STOML1: variants seen among roughly 807,000 people sequenced by gnomAD.
STOML1 encodes the protein stomatin-like protein 1.
A neutral mutation model predicts 35.7 loss-of-function variants in STOML1; 27 were observed. The observed-to-expected ratio is 0.76, with a 90% CI of 0.56 to 1.04. The LOEUF (loss-of-function observed/expected upper bound fraction) is 1.04. STOML1 is among the 50% of genes least tolerant of loss of function. The pLI, the probability that STOML1 is intolerant of heterozygous loss-of-function variation, is 0.00. For missense variants in STOML1, 451 were observed against 527.1 expected, an observed-to-expected ratio of 0.86 and a Z score of 1.41; for synonymous variants, 219 against 227.9, an observed-to-expected ratio of 0.96 and a Z score of 0.35.
Position 73,988,541 on chromosome 15 carries a change from G to A in STOML1, c.594+58C>T. On this transcript the variant is annotated intron_variant, in intron 4 of 6. Transcript: ENST00000541638. This position sits in a 1 kb window ranked among gnomAD's most constrained non-coding sequence, Gnocchi z 4.8. Reference sequence around the variant, plus strand: ...CTGACTCTTTTCTCAAAGTGACCTGGCAGGTGGAGCCAGGCCGGTGCCACC... The same window carrying A: ...CTGACTCTTTTCTCAAAGTGACCTGACAGGTGGAGCCAGGCCGGTGCCACC... 1 of 1,597,712 alleles carries A rather than the reference G, an allele frequency of 6.3e-7. No homozygotes were observed. Among genetic ancestry groups the A allele is most frequent in the Non-Finnish European group, 8.5e-7 (1 of 1,170,084 alleles).
Position 73,988,819 on chromosome 15 carries a change from T to A in STOML1, c.391-17A>T, listed in dbSNP as rs1304117087. 1 of 1,604,630 alleles carries A rather than the reference T, an allele frequency of 6.2e-7. No homozygotes were observed. Among genetic ancestry groups the A allele is most frequent in the African/African-American group, 1.3e-5 (1 of 74,716 alleles). ...AGAGGCCAGCTGTTGGGGGAGGCCATGAGAGAGAGACACTCAAGGGGCTGG... is the reference window on the plus strand; with the variant it reads ...AGAGGCCAGCTGTTGGGGGAGGCCAAGAGAGAGAGACACTCAAGGGGCTGG... On this transcript the variant is annotated splice_polypyrimidine_tract_variant and intron_variant, in intron 3 of 6. Coordinates refer to ENST00000541638, the MANE Select transcript of STOML1 (RefSeq NM_004809.5). This position sits in a 1 kb window ranked among gnomAD's most constrained non-coding sequence, Gnocchi z 4.8.
chr15:73,992,433 G>C (rs1232645082), upstream of STOML1: 4 of 440,266 alleles, frequency 9.1e-6, no homozygotes, highest in Non-Finnish European at 1.1e-5. Context: ...CTGCAGCCCA[G>C]GGCTACTGGG....
chr15:73,979,897 G>C lies in STOML1; in HGVS notation c.*4040C>G, dbSNP rs2068942270. 2 of 132,380 alleles carry C rather than the reference G, an allele frequency of 1.5e-5. No individual in the cohort carries two copies. The highest frequency in any genetic ancestry group is 5.2e-4 in the South Asian group (2 of 3,836). 8.2% of individuals were successfully genotyped at this position (132,380 alleles called of 1,614,324 possible). A position where few individuals can be genotyped will look rare whatever the true frequency, so the allele number is the denominator to read the frequency against. The stretch of plus-strand genomic sequence containing the variant: ...GAGGCCAGGAGTTAGAGACCAGCTT[G>C]AGAAGGCCCTGTCTCTACAAAAAAA... On this transcript the variant is annotated 3_prime_UTR_variant, in exon 7 of 7. Coordinates refer to ENST00000541638, the MANE Select transcript of STOML1 (RefSeq NM_004809.5).
rs965647943 is a variant in STOML1, at chr15:73,992,276, A to C, written c.-53T>G. 3 of 1,548,684 alleles carry C rather than the reference A, an allele frequency of 1.9e-6. No individual in the cohort carries two copies. Among genetic ancestry groups the C allele is most frequent in the South Asian group, 1.2e-5 (1 of 84,304 alleles). On this transcript the variant is annotated 5_prime_UTR_variant, in exon 1 of 7. Coordinates refer to ENST00000541638, the MANE Select transcript of STOML1 (RefSeq NM_004809.5). ...CCTCCGCGCGGCGCCCTCCCTGGCC[A>C]GTGGGCCCTACGCGGCCCCGCCCTC...
chr15:73,983,022 C>T lies in STOML1; in HGVS notation c.*915G>A, dbSNP rs2068979970. On this transcript the variant is annotated 3_prime_UTR_variant, in exon 7 of 7. Transcript: ENST00000541638. ...ACCTGTATCCCACTACAAAGAGGAA[C>T]AGAACTCCCCACCCAGCCCCACCCT... 5 of 152,202 alleles carry T rather than the reference C, an allele frequency of 3.3e-5. No homozygotes were observed. The highest frequency in any genetic ancestry group is 3.3e-4 in the Admixed American group (5 of 15,268). 9.4% of individuals were successfully genotyped at this position (152,202 alleles called of 1,614,324 possible).
intron 4 of STOML1, chr15:73,987,915 C>T (rs944015226): frequency 3.3e-5 from 5 of 152,316 alleles, no homozygotes; most frequent in Admixed American, 6.5e-5. Flanking sequence ...TGTCCTCTAA[C>T]CTTGATTCCC....
At chr15:73,991,197 G>A (rs1193003390) in intron 1 of STOML1, among the ~76,000 whole-genome samples, 1 of 152,176 alleles carries the variant, frequency 6.6e-6, no homozygotes, top group Non-Finnish European at 1.5e-5. Context: ...TAGGGGTCGG[G>A]GTCAGGGGCA....
At position 73,981,999 on chromosome 15, in the gene STOML1, C is replaced by G. The variant is rs539785239; in HGVS notation, c.*1938G>C. 2.6e-5 allele frequency: 4 copies of G among 152,258 alleles called. No homozygotes were observed. The highest frequency in any genetic ancestry group is 5.9e-5 in the Non-Finnish European group (4 of 68,068). 9.4% of individuals were successfully genotyped at this position (152,258 alleles called of 1,614,324 possible). On this transcript the variant is annotated 3_prime_UTR_variant, in exon 7 of 7. Transcript: ENST00000541638. ...TCACAAAGAAGAGTTTGGGTTTCCC[C>G]TAAGTTGTGATCTCATTTTTCCTGT... is the stretch of plus-strand genomic sequence containing the variant.
intron 1 of STOML1, chr15:73,991,522 G>A (rs1474006444): frequency 2.2e-6 from 1 of 451,724 alleles, no homozygotes; most frequent in Non-Finnish European, 4.5e-6. Flanking sequence ...CCAAGGTTAG[G>A]CGGTTAGGCT....
In STOML1 at chr15:73,985,333, G is replaced by A. The variant is rs143322817; in HGVS notation, c.775C>T (p.Pro259Ser). 1.9e-5 allele frequency: 30 copies of A among 1,538,882 alleles called. No homozygotes were observed. The African/African-American group carries it at 3.8e-4, about 19-fold the overall frequency. Residue 259 changes from proline (P) to serine (S), a missense_variant, in exon 5 of 7, where the codon CCG becomes TCG. By Grantham distance (74) the Pro-to-Ser change is moderately conservative. Coordinates refer to ENST00000541638, the MANE Select transcript of STOML1 (RefSeq NM_004809.5). ...GGCTCCTCACCTGGCCCCGGGGACG[G>A]GGCACCTCCTGCCATTGAGTTCATG... ...GSMNSMAGGA[P>S]SPGPADTVEM...
In STOML1 at chr15:73,985,527, T is replaced by G. The variant is rs1286486460; in HGVS notation, c.595-14A>C. The G allele has an allele frequency of 7.8e-6, 12 of 1,536,352 alleles. No individual in the cohort carries two copies. The highest frequency in any genetic ancestry group is 9.6e-6 in the Non-Finnish European group (11 of 1,141,612). On this transcript the variant is annotated splice_polypyrimidine_tract_variant and intron_variant, in intron 4 of 6. Coordinates refer to ENST00000541638, the MANE Select transcript of STOML1 (RefSeq NM_004809.5). ...GTTGATCTCCAGCTGGAGGACAGTGTGAGGAGAAATGTAATTAATTCAACA... is the reference window on the plus strand; with the variant it reads ...GTTGATCTCCAGCTGGAGGACAGTGGGAGGAGAAATGTAATTAATTCAACA...
At position 73,983,535 on chromosome 15, in the gene STOML1, C is replaced by T. The variant is rs781584411; in HGVS notation, c.*402G>A. Reference sequence around the variant, plus strand: ...TCCCTCCCCATCCCTCTCCAATCCCCGCAGAGCTTAGAGCCTGGGCCACAT... The same window carrying T: ...TCCCTCCCCATCCCTCTCCAATCCCTGCAGAGCTTAGAGCCTGGGCCACAT... On this transcript the variant is annotated 3_prime_UTR_variant, in exon 7 of 7. Transcript: ENST00000541638. 4.3e-5 allele frequency: 7 copies of T among 164,682 alleles called. No individual in the cohort carries two copies. Among genetic ancestry groups the T allele is most frequent in the South Asian group, 1.9e-4 (1 of 5,342 alleles). The allele number at this position is 164,682 out of a possible 1,614,324, so 10.2% of individuals were successfully genotyped here. A position where few individuals can be genotyped will look rare whatever the true frequency, so the allele number is the denominator to read the frequency against.
rs2068936854 is a variant in STOML1, at chr15:73,979,449, T to TCAAGCAATTCTCCTGTCTC, written c.*4469_*4487dup. 6.6e-6 allele frequency: 1 copy of TCAAGCAATTCTCCTGTCTC among 152,208 alleles called. No homozygotes were observed. Among genetic ancestry groups the TCAAGCAATTCTCCTGTCTC allele is most frequent in the Admixed American group, 6.5e-5 (1 of 15,288 alleles). 9.4% of individuals were successfully genotyped at this position (152,208 alleles called of 1,614,324 possible). ...TCACTGCAACTTCCACCTCCTGGGT[T>TCAAGCAATTCTCCTGTCTC]CAAGCAATTCTCCTGTCTCAGCCTC... On this transcript the variant is annotated 3_prime_UTR_variant, in exon 7 of 7. Transcript: ENST00000541638.
At chr15:73,987,124 G>A (rs1253206164) in intron 4 of STOML1, 1 of 153,476 alleles carries the variant, frequency 6.5e-6, no homozygotes, top group Admixed American at 6.5e-5. Context: ...CTGCTGCAGA[G>A]AGCAATGAGC....
intron 5 of STOML1, 24 bp downstream of exon 5, chr15:73,985,294 G>A (rs745314188): frequency 4.6e-5 from 70 of 1,512,502 alleles, no homozygotes; most frequent in Non-Finnish European, 5.1e-5. Context: ...AAACACCCCC[G>A]CTCTCCTCCC....
In STOML1 at chr15:73,990,413, T is replaced by C; in HGVS notation, c.178A>G (p.Ser60Gly). 6.2e-7 allele frequency: 1 copy of C among 1,614,044 alleles called. No individual in the cohort carries two copies. The highest frequency in any genetic ancestry group is 8.5e-7 in the Non-Finnish European group (1 of 1,179,986). ...AACAGCAGCAAGAACCCCAGGAAAC[T>C]GATGAGGCCATGACAGAGGCAGGAG... The part of the protein sequence containing the change: ...WPSCLCHGLI[S>G]FLGFLLLLVT... Residue 60 changes from serine (S) to glycine (G), a missense_variant, in exon 2 of 7, where the codon AGT (serine) becomes GGT (glycine). By Grantham distance (56) the Ser-to-Gly change is moderately conservative (BLOSUM62 0). Transcript: ENST00000541638.
At chr15:73,990,510 G>A (rs1339860676) in intron 1 of STOML1, 53 bp from the exon 2 acceptor site, 24 of 1,529,674 alleles carry the variant, frequency 1.6e-5, no homozygotes, top group African/African-American at 4.1e-5. Flanking sequence ...GCTGCCAAGC[G>A]GAGTGAACTT....
chr15:73,989,065 AG>A (rs2069183450), intron 3 of STOML1, 42 bp downstream of exon 3: 1 of 1,542,176 alleles, frequency 6.5e-7, no homozygotes, highest in Admixed American at 2.0e-5. Context: ...CATTCTGGAC[AG>A]GCCCCCAGTT....
At position 73,983,673 on chromosome 15, in the gene STOML1, A is replaced by C; in HGVS notation, c.*264T>G. The C allele has an allele frequency of 5.1e-6, 2 of 395,632 alleles. No homozygotes were observed. Among genetic ancestry groups the C allele is most frequent in the East Asian group, 4.0e-5 (1 of 24,922 alleles). The allele number at this position is 395,632 out of a possible 1,614,324, so 24.5% of individuals were successfully genotyped here. On this transcript the variant is annotated 3_prime_UTR_variant, in exon 7 of 7. Transcript: ENST00000541638. Reference sequence around the variant, plus strand: ...GGGCAGGCCTGGCTCTCCTCCTGGAATCACACCGTGCACCCAGCTCAGCGC... The same window carrying C: ...GGGCAGGCCTGGCTCTCCTCCTGGACTCACACCGTGCACCCAGCTCAGCGC...
Sources: gnomAD v4.1 joint callset for allele counts (sites outside exome capture counted in the v4.1 genomes callset) on GRCh38, gnomAD v4.1.1 for gene constraint, Gnocchi (gnomAD v3.1) non-coding constraint, MANE v1.5 for transcripts, NCBI Gene and HGNC (gene_info 2026-07-23, HGNC 2026-07-21) for gene names.